The following ADCY9 variants were observed in gnomAD, a reference collection of about 807,000 sequenced individuals.
ADCY9 encodes adenylate cyclase 9, also known as adenylate cyclase type 9.
Under a neutral mutation model 101.5 loss-of-function variants are expected in ADCY9, and 50 were observed. The observed-to-expected ratio is 0.49, with a 90% CI of 0.39 to 0.62. The LOEUF (loss-of-function observed/expected upper bound fraction) is 0.62, where lower values mean the gene tolerates loss of function less well. Ranked by LOEUF, ADCY9 falls within the 20% of genes least tolerant of loss-of-function variation. The pLI is 0.00. For synonymous variants in ADCY9, 905 were observed against 769.3 expected (o/e 1.18, Z -2.92); for missense variants, 1,662 against 1,800.4 (o/e 0.92, Z 1.39).
At chr16:4,018,080 G>A (rs8052990) in intron 2 of ADCY9, among the ~76,000 whole-genome samples, 2 of 152,194 alleles carry the variant, frequency 1.3e-5, no homozygotes, top group Non-Finnish European at 2.9e-5. Flanking sequence ...CTGACCCACA[G>A]GTGGTTATAC....
At chr16:4,054,853 C>CGCTGGG (rs1267858373) in intron 2 of ADCY9, among the ~76,000 whole-genome samples, 1 of 152,076 alleles carries the variant, frequency 6.6e-6, no homozygotes, top group East Asian at 1.9e-4. Flanking sequence ...AGGTGTGAGC[C>CGCTGGG]ACTGTGCCCA....
At chr16:3,958,265 G>C (rs554076138), downstream of ADCY9, among the ~76,000 whole-genome samples, 1 of 152,246 alleles carries the variant, frequency 6.6e-6, no homozygotes, top group African/African-American at 2.4e-5. Flanking sequence ...GGATGGGCCG[G>C]GCACGGTAGC....
At chr16:4,006,911 G>C (rs890193134) in intron 3 of ADCY9, among the ~76,000 whole-genome samples, 37 of 152,204 alleles carry the variant, frequency 2.4e-4, no homozygotes, top group Non-Finnish European at 1.0e-4. Flanking sequence ...CTGTGTCCTA[G>C]GATTCACCCA....
chr16:3,958,676 T>G (rs2055921316), downstream of ADCY9, among the ~76,000 whole-genome samples: 1 of 129,744 alleles, frequency 7.7e-6, no homozygotes, highest in Admixed American at 7.4e-5. Context: ...TCGGTTACTT[T>G]TTTTTTTTTT....
intron 5 of ADCY9, among the ~76,000 whole-genome samples, chr16:3,991,763 T>TAAAA (rs55746006): frequency 5.1e-4 from 47 of 91,372 alleles, no homozygotes; most frequent in East Asian, 6.4e-4. Context: ...CTAGTCCTTA[T>TAAAA]AAAAAAAAAA....
At chr16:3,986,338 G>C (rs1042666594) in intron 6 of ADCY9, among the ~76,000 whole-genome samples, 2 of 152,128 alleles carry the variant, frequency 1.3e-5, no homozygotes, top group East Asian at 1.9e-4. Flanking sequence ...CCTCCCCACC[G>C]GGACCCTGTG....
chr16:4,005,282 G>T (rs536524117), intron 3 of ADCY9, among the ~76,000 whole-genome samples: 1 of 152,342 alleles, frequency 6.6e-6, no homozygotes, highest in South Asian at 2.1e-4. Context: ...AAGCTGGAGT[G>T]CAGTGGCAAA....
In ADCY9 at chr16:3,963,142, A is replaced by ATATG. The variant is rs2055953785; in HGVS notation, c.*2632_*2633insCATA. The ATATG allele has an allele frequency of 6.5e-6, 1 of 152,906 alleles. No individual in the cohort carries two copies. Among genetic ancestry groups the ATATG allele is most frequent in the Non-Finnish European group, 1.3e-5 (1 of 79,480 alleles). The allele number at this position is 152,906 out of a possible 1,614,324, so 9.5% of individuals were successfully genotyped here. A position where few individuals can be genotyped will look rare whatever the true frequency, so the allele number is the denominator to read the frequency against. On this transcript the variant is annotated 3_prime_UTR_variant, in exon 11 of 11. Transcript: ENST00000294016. ...TATATATATATATATATATATATAT[A>ATATG]TGGATATATAATTCGATCTGAGCTG... is the stretch of plus-strand genomic sequence containing the variant.
intron 2 of ADCY9, among the ~76,000 whole-genome samples, chr16:4,104,853 C>T (rs1430913072): frequency 6.6e-6 from 1 of 151,954 alleles, no homozygotes; most frequent in Non-Finnish European, 1.5e-5. Context: ...ACTCAAAAAA[C>T]CTCAGCCGTG....
chr16:4,017,472 T>C (rs1037737589), intron 2 of ADCY9, among the ~76,000 whole-genome samples: 3 of 148,964 alleles, frequency 2.0e-5, no homozygotes, highest in Non-Finnish European at 4.5e-5. Context: ...GGTAAAACCC[T>C]GTCTCTACTG....
At chr16:4,047,030 C>T (rs755150734) in intron 2 of ADCY9, among the ~76,000 whole-genome samples, 18 of 151,734 alleles carry the variant, frequency 1.2e-4, no homozygotes, top group African/African-American at 2.9e-4. Context: ...CAAAAAACTA[C>T]GAAAACATAT....
intron 2 of ADCY9, among the ~76,000 whole-genome samples, chr16:4,103,537 T>C (rs2141202286): frequency 6.6e-6 from 1 of 152,228 alleles, no homozygotes; most frequent in South Asian, 2.1e-4. Context: ...CACTTAAGAA[T>C]GTCCCTGATG....
intron 2 of ADCY9, among the ~76,000 whole-genome samples, chr16:4,033,224 A>G (rs1307817741): frequency 6.6e-6 from 1 of 152,160 alleles, no homozygotes; most frequent in Admixed American, 6.6e-5. Context: ...TTTGGTCCTA[A>G]ATTCTTTTCT....
Position 4,029,615 on chromosome 16 carries a change from C to T in ADCY9, c.1694-22057G>A, listed in dbSNP as rs571571729. Among the ~76,000 whole-genome samples the T allele has an allele frequency of 9.2e-3, 1,394 of 152,272 alleles. 25 individuals carry two copies. Among genetic ancestry groups the T allele is most frequent in the Admixed American group, 0.047 (712 of 15,290 alleles). On this transcript the variant is annotated intron_variant, in intron 2 of 10. Coordinates refer to ENST00000294016, the MANE Select transcript of ADCY9 (RefSeq NM_001116.4). ...TACAAAAATTAGCTGGGTGAGGTGG[C>T]ACGTGCCTGTAATCCCAGCTACTGG...
intron 2 of ADCY9, among the ~76,000 whole-genome samples, chr16:4,052,861 G>A (rs544556359): frequency 6.6e-6 from 1 of 152,198 alleles, no homozygotes; most frequent in Non-Finnish European, 1.5e-5. Flanking sequence ...CGTTTCAGCC[G>A]AACGCATCTG....
In ADCY9 at chr16:4,115,866, C is replaced by G; in HGVS notation, c.-220G>C. The stretch of plus-strand genomic sequence containing the variant: ...GGGAAGTTCAGACCTTGAGCGCTCC[C>G]AGCCCCGCGAGCCGCCTGCGCACAA... On this transcript the variant is annotated 5_prime_UTR_variant, in exon 1 of 11. Transcript: ENST00000294016. The surrounding 1 kb of genome is among the most constrained non-coding windows in gnomAD (Gnocchi z 6.2). 1 of 396,080 alleles carries G rather than the reference C, an allele frequency of 2.5e-6. No homozygotes were observed. The highest frequency in any genetic ancestry group is 4.5e-6 in the Non-Finnish European group (1 of 224,502). 24.5% of individuals were successfully genotyped at this position (396,080 alleles called of 1,614,324 possible). A position where few individuals can be genotyped will look rare whatever the true frequency, so the allele number is the denominator to read the frequency against.
intron 2 of ADCY9, among the ~76,000 whole-genome samples, chr16:4,098,545 T>C (rs2057023082): frequency 6.6e-6 from 1 of 152,166 alleles, no homozygotes; most frequent in Non-Finnish European, 1.5e-5. Flanking sequence ...GTAATATTCA[T>C]TCATTTATTC....
At chr16:4,071,694 T>G (rs879632456) in intron 2 of ADCY9, among the ~76,000 whole-genome samples, 7 of 152,224 alleles carry the variant, frequency 4.6e-5, no homozygotes, top group Non-Finnish European at 8.8e-5. Flanking sequence ...AACCATTTCC[T>G]GGCTGCAACA....
Position 4,065,573 on chromosome 16 carries a change from G to GTATT in ADCY9, c.1693+48173_1693+48176dup, listed in dbSNP as rs781139708. ...TCGAGGCCCATGGCTTTATTTTTAT[G>GTATT]TATTTATTTATTTATTGAGACGGAG... is the stretch of plus-strand genomic sequence containing the variant. On this transcript the variant is annotated intron_variant, in intron 2 of 10. Coordinates refer to ENST00000294016, the MANE Select transcript of ADCY9 (RefSeq NM_001116.4). Among the ~76,000 whole-genome samples the GTATT allele has an allele frequency of 5.7e-4, 86 of 152,114 alleles. No homozygotes were observed. The East Asian group carries it at 0.012, about 22-fold the overall frequency.
Sources: allele counts gnomAD v4.1 joint callset (sites outside exome capture counted in the v4.1 genomes callset), GRCh38; gene constraint gnomAD v4.1.1; non-coding constraint Gnocchi (gnomAD v3.1); transcripts MANE v1.5; gene names NCBI Gene and HGNC (gene_info 2026-07-23, HGNC 2026-07-21).